TRPC1: variants seen among roughly 807,000 people sequenced by gnomAD.
The protein encoded by TRPC1 is transient receptor potential cation channel subfamily C member 1.
TRPC1 carries 42 observed loss-of-function variants against 88.2 expected under a neutral mutation model. The ratio of observed to expected loss-of-function variants is 0.48; its 90% confidence interval spans 0.37 to 0.62. TRPC1 has a LOEUF of 0.62. Among genes scored for constraint, TRPC1 ranks in the 20% least tolerant of loss-of-function variants. The pLI is 0.00. For missense variants in TRPC1, 699 were observed against 957.3 expected (o/e 0.73, Z 3.56); for synonymous variants, 288 against 331.8 (o/e 0.87, Z 1.43).
Position 142,724,846 on chromosome 3 carries a change from C to A in TRPC1, c.172+115C>A. ...CTCTGTCTCAGGCGCCGAGTGTCTT[C>A]CCGCCTCGCCTGCTGCCTCAGGCGG... On this transcript the variant is annotated intron_variant, in intron 1 of 12. Coordinates refer to ENST00000476941, the MANE Select transcript of TRPC1 (RefSeq NM_001251845.2). The surrounding 1 kb of genome is among the most constrained non-coding windows in gnomAD (Gnocchi z 5.6). The A allele has an allele frequency of 1.6e-6, 2 of 1,231,626 alleles. No individual in the cohort carries two copies. The highest frequency in any genetic ancestry group is 2.1e-6 in the Non-Finnish European group (2 of 931,578). The allele number at this position is 1,231,626 out of a possible 1,614,324, so 76.3% of individuals were successfully genotyped here. A position where few individuals can be genotyped will look rare whatever the true frequency, so the allele number is the denominator to read the frequency against.
chr3:142,790,976 G>A, intron 7 of TRPC1, 43 bp from the exon 8 acceptor site: 2 of 1,454,290 alleles, frequency 1.4e-6, no homozygotes, highest in Non-Finnish European at 1.8e-6. Flanking sequence ...TTTATTTATT[G>A]AATTAAGAAA....
At chr3:142,805,779 C>T (rs1936774492) in intron 12 of TRPC1, among the ~76,000 whole-genome samples, 1 of 151,856 alleles carries the variant, frequency 6.6e-6, no homozygotes. Flanking sequence ...ACTAAGGATT[C>T]CTAAGACTAA....
At chr3:142,735,694 A>G (rs1379523655) in intron 1 of TRPC1, among the ~76,000 whole-genome samples, 5 of 152,166 alleles carry the variant, frequency 3.3e-5, no homozygotes, top group Non-Finnish European at 5.9e-5. Context: ...CAGGTCAGGC[A>G]CTAATCCTAG....
intron 4 of TRPC1, among the ~76,000 whole-genome samples, chr3:142,754,809 G>A (rs73864423): frequency 0.022 from 3,395 of 152,240 alleles, 129 homozygotes; most frequent in African/African-American, 0.077. Flanking sequence ...AGACTGCTTA[G>A]TGCCACAGTC....
rs906032776 is a variant in TRPC1 at position 142,792,562 on chromosome 3, TA to T, written c.1438-256del. Among the ~76,000 whole-genome samples, 4 of 152,000 alleles carry T rather than the reference TA, an allele frequency of 2.6e-5. No homozygotes were observed. Among genetic ancestry groups the T allele is most frequent in the African/African-American group, 9.7e-5 (4 of 41,424 alleles). The stretch of plus-strand genomic sequence containing the variant: ...ATTAATAAAAAGCTTAATGATCATT[TA>T]AAAAATTATTTAATTTTCTAAAATT... On this transcript the variant is annotated intron_variant, in intron 8 of 12. Coordinates refer to ENST00000476941, the MANE Select transcript of TRPC1 (RefSeq NM_001251845.2). The surrounding 1 kb of genome is among the most constrained non-coding windows in gnomAD (Gnocchi z 4.0).
chr3:142,788,405 G>A (rs1244420307), intron 7 of TRPC1, among the ~76,000 whole-genome samples: 1 of 152,106 alleles, frequency 6.6e-6, no homozygotes, highest in Non-Finnish European at 1.5e-5. Flanking sequence ...GAGAGGTGAA[G>A]GAAAGGGAGA....
chr3:142,785,089 ATTC>A, intron 7 of TRPC1, 49 bp downstream of exon 7: 1 of 1,466,704 alleles, frequency 6.8e-7, no homozygotes, highest in African/African-American at 1.4e-5. Context: ...TAGCCCACTG[ATTC>A]TTTCTTGATT....
intron 4 of TRPC1, among the ~76,000 whole-genome samples, chr3:142,757,131 G>A (rs1296860091): frequency 1.3e-5 from 2 of 152,056 alleles, no homozygotes; most frequent in African/African-American, 4.8e-5. Context: ...TCCATTGATG[G>A]GTACTTAGGT....
chr3:142,756,533 G>A (rs959861260), intron 4 of TRPC1, among the ~76,000 whole-genome samples: 2 of 151,956 alleles, frequency 1.3e-5, no homozygotes, highest in South Asian at 2.1e-4. Flanking sequence ...CTAATTTTTT[G>A]TATTTTTAGT....
chr3:142,784,642 T>C, intron 6 of TRPC1, 62 bp from the exon 7 acceptor site: 1 of 1,244,418 alleles, frequency 8.0e-7, no homozygotes, highest in Non-Finnish European at 1.1e-6. Context: ...TATCAACCAA[T>C]CAGTATTTAA....
rs550959974 is a variant in TRPC1, at chr3:142,765,473, A to C, written c.633-12159A>C. Among the ~76,000 whole-genome samples the C allele has an allele frequency of 6.6e-5, 10 of 152,300 alleles. No individual in the cohort carries two copies. The South Asian group carries it at 2.1e-3, about 32-fold the overall frequency. ...AACATGGTACAACACAAAAACAGAC[A>C]TATAGACCGATGGAACAGAATAGAG... is the stretch of plus-strand genomic sequence containing the variant. On this transcript the variant is annotated intron_variant, in intron 4 of 12. Transcript: ENST00000476941.
rs1344618377 is a variant in TRPC1 at position 142,743,544 on chromosome 3, A to G, written c.387A>G (p.Leu129=). The part of the protein sequence containing the change: ...DSEVVGAVDI[L]LNHRPKRSSR... ...AAGTAGTGGGAGCTGTTGATATACT[A>G]CTTAATCATCGACCAAAACGATCAT... Residue 129 remains leucine, a synonymous_variant, in exon 3 of 13, where the codon CTA becomes CTG. Transcript: ENST00000476941. The G allele has an allele frequency of 1.3e-6, 2 of 1,527,702 alleles. No individual in the cohort carries two copies. The highest frequency in any genetic ancestry group is 1.2e-5 in the South Asian group (1 of 82,320). 94.6% of individuals were successfully genotyped at this position (1,527,702 alleles called of 1,614,324 possible).
In TRPC1 at chr3:142,766,897, C is replaced by T. The variant is rs148166561; in HGVS notation, c.633-10735C>T. On this transcript the variant is annotated intron_variant, in intron 4 of 12. Coordinates refer to ENST00000476941, the MANE Select transcript of TRPC1 (RefSeq NM_001251845.2). ...GAGAACTCTAATACACACAGTAAGT[C>T]CTCCATTTTAAAATCTTTTTCTTGA... 5.3e-3 allele frequency among the ~76,000 whole-genome samples: 812 copies of T among 152,246 alleles called. 2 individuals carry two copies. The highest frequency in any genetic ancestry group is 0.019 in the African/African-American group (782 of 41,548).
At chr3:142,787,300 C>A (rs1310214225) in intron 7 of TRPC1, among the ~76,000 whole-genome samples, 1 of 152,062 alleles carries the variant, frequency 6.6e-6, no homozygotes, top group Non-Finnish European at 1.5e-5. Flanking sequence ...AGATCCAAAC[C>A]GGCTCTAAGT....
At chr3:142,746,855 CAA>C (rs1376393530) in intron 3 of TRPC1, among the ~76,000 whole-genome samples, 2 of 135,116 alleles carry the variant, frequency 1.5e-5, no homozygotes, top group African/African-American at 2.7e-5. Context: ...GAGACTCCAC[CAA>C]AAAAAAAAAA....
In TRPC1 at chr3:142,739,963, C is replaced by T. The variant is rs116613367; in HGVS notation, c.327+3430C>T. Among the ~76,000 whole-genome samples the T allele has an allele frequency of 5.6e-3, 856 of 152,294 alleles. 10 individuals carry two copies. The highest frequency in any genetic ancestry group is 0.02 in the African/African-American group (827 of 41,558). ...AGCAGCAGGTGAGCGATCATTACTGCCTGAGCTCTGCCTCCTGTCAGGTCA... is the reference window on the plus strand; with the variant it reads ...AGCAGCAGGTGAGCGATCATTACTGTCTGAGCTCTGCCTCCTGTCAGGTCA... On this transcript the variant is annotated intron_variant, in intron 2 of 12. Coordinates refer to ENST00000476941, the MANE Select transcript of TRPC1 (RefSeq NM_001251845.2).
chr3:142,724,833 C>T lies in TRPC1; in HGVS notation c.172+102C>T. 1 of 1,324,754 alleles carries T rather than the reference C, an allele frequency of 7.5e-7. No individual in the cohort carries two copies. The highest frequency in any genetic ancestry group is 9.9e-7 in the Non-Finnish European group (1 of 1,009,576). The allele number at this position is 1,324,754 out of a possible 1,614,324, so 82.1% of individuals were successfully genotyped here. A position where few individuals can be genotyped will look rare whatever the true frequency, so the allele number is the denominator to read the frequency against. ...ATCGGGGCATTCCCTCTGTCTCAGG[C>T]GCCGAGTGTCTTCCCGCCTCGCCTG... On this transcript the variant is annotated intron_variant, in intron 1 of 12. Transcript: ENST00000476941. The surrounding 1 kb of genome is among the most constrained non-coding windows in gnomAD (Gnocchi z 5.6).
chr3:142,805,719 T>C (rs1337156305), intron 12 of TRPC1, among the ~76,000 whole-genome samples: 2 of 152,174 alleles, frequency 1.3e-5, no homozygotes, highest in African/African-American at 4.8e-5. Context: ...AAAGTCAGGA[T>C]ATGGACCATA....
At chr3:142,728,997 T>C (rs757342238) in intron 1 of TRPC1, among the ~76,000 whole-genome samples, 9 of 152,220 alleles carry the variant, frequency 5.9e-5, no homozygotes, top group African/African-American at 1.9e-4. Context: ...GGCAGCATTC[T>C]ATAAACACTT....
Sources: allele counts gnomAD v4.1 joint callset (sites outside exome capture counted in the v4.1 genomes callset), GRCh38; gene constraint gnomAD v4.1.1; non-coding constraint Gnocchi (gnomAD v3.1); transcripts MANE v1.5; gene names NCBI Gene and HGNC (gene_info 2026-07-23, HGNC 2026-07-21).